Variants in RFC5 observed in about 807,000 individuals in gnomAD.
The protein encoded by RFC5 is replication factor C subunit 5.
RFC5 carries 26 observed loss-of-function variants against 44.3 expected under a neutral mutation model. The ratio of observed to expected loss-of-function variants is 0.59; its 90% CI spans 0.43 to 0.81. The LOEUF is 0.81. Ranked by LOEUF, RFC5 falls within the 40% of genes least tolerant of loss-of-function variation. The pLI, the probability that RFC5 is intolerant of heterozygous loss-of-function variation, is 0.00. For missense variants in RFC5, 328 were observed against 418.6 expected, an observed-to-expected ratio of 0.78 and a Z score of 1.89; for synonymous variants, 155 against 155.2, an observed-to-expected ratio of 1.00 and a Z score of 0.01.
rs1386112582 is a variant in RFC5 at position 118,032,063 on chromosome 12, T to C, written c.*785T>C. On this transcript the variant is annotated 3_prime_UTR_variant, in exon 11 of 11. Coordinates refer to ENST00000454402, the MANE Select transcript of RFC5 (RefSeq NM_007370.7). ...TTATTTTACAGCAATCATGCTGCAT[T>C]TGTGTTAGTGTTCTTTATAATAAAA... is the stretch of plus-strand genomic sequence containing the variant. The C allele has an allele frequency of 6.6e-6, 1 of 152,192 alleles. No homozygotes were observed. Among genetic ancestry groups the C allele is most frequent in the African/African-American group, 2.4e-5 (1 of 41,460 alleles). 9.4% of individuals were successfully genotyped at this position (152,192 alleles called of 1,614,324 possible).
rs1406632243 is a variant in RFC5, at chr12:118,016,777, C to T, written c.-51C>T. 6.6e-7 allele frequency: 1 copy of T among 1,523,710 alleles called. No individual in the cohort carries two copies. The allele number at this position is 1,523,710 out of a possible 1,614,324, so 94.4% of individuals were successfully genotyped here. A position where few individuals can be genotyped will look rare whatever the true frequency, so the allele number is the denominator to read the frequency against. ...GTCGCGGCTGGTCACTGTGCAGGCG[C>T]TTGGGTGACGCGACGATCTCAGCGG... On this transcript the variant is annotated 5_prime_UTR_variant, in exon 1 of 11. Transcript: ENST00000454402.
intron 8 of RFC5, 33 bp downstream of exon 8, chr12:118,027,051 A>T (rs1313944171): frequency 6.3e-7 from 1 of 1,599,890 alleles, no homozygotes; most frequent in Admixed American, 1.7e-5. Context: ...GGCCACCGAG[A>T]CCTGAAGGTG....
At position 118,019,891 on chromosome 12, in the gene RFC5, AT is replaced by A. The variant is rs2030368139; in HGVS notation, c.267+126del. 1 of 770,758 alleles carries A rather than the reference AT, an allele frequency of 1.3e-6. No individual in the cohort carries two copies. Among genetic ancestry groups the A allele is most frequent in the Non-Finnish European group, 2.0e-6 (1 of 489,980 alleles). 47.7% of individuals were successfully genotyped at this position (770,758 alleles called of 1,614,324 possible). ...CCACGGACAGTTAGGAAAGAAGTAA[AT>A]TTGAATATTTTAATTCCCTTTTTCC... On this transcript the variant is annotated intron_variant, in intron 3 of 10. Transcript: ENST00000454402. This position sits in a 1 kb window ranked among gnomAD's most constrained non-coding sequence, Gnocchi z 4.2.
chr12:118,026,609 G>A (rs754818955), intron 7 of RFC5, among the ~76,000 whole-genome samples: 1 of 151,886 alleles, frequency 6.6e-6, no homozygotes, highest in Non-Finnish European at 1.5e-5. Context: ...AAAAAACAAA[G>A]AGAGAGCAAA....
intron 5 of RFC5, 57 bp from the exon 6 acceptor site, chr12:118,024,794 C>A: frequency 6.7e-7 from 1 of 1,485,084 alleles, no homozygotes; most frequent in Non-Finnish European, 9.2e-7. Context: ...GTTTTCTGGG[C>A]TCTCTGAAAA....
At chr12:118,038,183 ATTGGGGTGGAT>A in the RFC5 span, 1 of 1,071,180 alleles carries the variant, frequency 9.3e-7, no homozygotes, top group Non-Finnish European at 1.3e-6. Context: ...CATGCCTTCT[ATTGGGGTGGAT>A]TTGCGGACGA....
chr12:118,034,458 G>A (rs1001397061), downstream of RFC5: 13 of 1,407,230 alleles, frequency 9.2e-6, no homozygotes, highest in Non-Finnish European at 1.3e-5. Context: ...AAGAGCAGGA[G>A]ACTTCGGAGA....
downstream of RFC5, chr12:118,035,377 C>T (rs1181671580): frequency 1.5e-5 from 23 of 1,510,536 alleles, no homozygotes; most frequent in Admixed American, 6.7e-5. Flanking sequence ...TGCTCTCCAC[C>T]CTCCATCATC....
chr12:118,017,005 T>A (rs2030130322), intron 1 of RFC5, 113 bp downstream of exon 1: 9 of 836,210 alleles, frequency 1.1e-5, no homozygotes, highest in Non-Finnish European at 1.8e-5. Context: ...TCCCGTCGTC[T>A]CCAGGCCTGC....
intron 5 of RFC5, among the ~76,000 whole-genome samples, chr12:118,024,026 G>A (rs1371912499): frequency 6.6e-6 from 1 of 151,950 alleles, no homozygotes; most frequent in African/African-American, 2.4e-5. Context: ...AGACCAGCCT[G>A]GCTAACCGAT....
the RFC5 span, among the ~76,000 whole-genome samples, chr12:118,039,827 T>C: frequency 6.6e-6 from 1 of 151,984 alleles, no homozygotes; most frequent in Admixed American, 6.6e-5. Flanking sequence ...CACTGCAACC[T>C]CTGCCTCCTG....
At chr12:118,030,662 A>G (rs1185376438) in intron 10 of RFC5, among the ~76,000 whole-genome samples, 1 of 152,178 alleles carries the variant, frequency 6.6e-6, no homozygotes, top group Non-Finnish European at 1.5e-5. Flanking sequence ...TTTTTGAGAC[A>G]GAGTCCCACT....
At chr12:118,034,670 A>C, downstream of RFC5, 1 of 494,260 alleles carries the variant, frequency 2.0e-6, no homozygotes, top group East Asian at 3.5e-5. Context: ...TGAATTATAG[A>C]TGTTACCTGT....
At position 118,031,372 on chromosome 12, in the gene RFC5, T is replaced by G; in HGVS notation, c.*94T>G. 1 of 784,026 alleles carries G rather than the reference T, an allele frequency of 1.3e-6. No individual in the cohort carries two copies. The highest frequency in any genetic ancestry group is 1.8e-5 in the South Asian group (1 of 56,174). 48.6% of individuals were successfully genotyped at this position (784,026 alleles called of 1,614,324 possible). On this transcript the variant is annotated 3_prime_UTR_variant, in exon 11 of 11. Transcript: ENST00000454402. ...TAAACTGCTGCCTGGGGCTGTGGGA[T>G]GAATCAGTCACCCCGAATCTTGGAA...
Position 118,016,886 on chromosome 12 carries a change from T to C in RFC5, c.59T>C (p.Leu20Pro). 1 of 1,613,250 alleles carries C rather than the reference T, an allele frequency of 6.2e-7. No individual in the cohort carries two copies. The highest frequency in any genetic ancestry group is 1.1e-5 in the South Asian group (1 of 91,022). ...EQPAATKIRN[L>P]PWVEKYRPQT... Reference sequence around the variant, plus strand: ...CCCGCGGCGACCAAGATCAGGAACCTGCCCTGGTAGGAGGAGGCCGAGCGG... The same window carrying C: ...CCCGCGGCGACCAAGATCAGGAACCCGCCCTGGTAGGAGGAGGCCGAGCGG... Residue 20 changes from leucine to proline, a missense_variant, in exon 1 of 11, where the codon CTG (leucine) becomes CCG (proline). Physicochemically the swap from Leu to Pro is moderately conservative, Grantham distance 98 (BLOSUM62 -3). Transcript: ENST00000454402.
At chr12:118,031,113 C>G in intron 10 of RFC5, 69 bp from the exon 11 acceptor site, 1 of 1,084,608 alleles carries the variant, frequency 9.2e-7, no homozygotes, top group South Asian at 1.3e-5. Context: ...CCCTAGATCT[C>G]TTGGTCCCTT....
intron 1 of RFC5, among the ~76,000 whole-genome samples, chr12:118,018,248 A>G (rs1187914798): frequency 6.6e-6 from 1 of 152,242 alleles, no homozygotes; most frequent in Non-Finnish European, 1.5e-5. Flanking sequence ...GTAGGAGTTC[A>G]GTTTCAAATG....
intron 1 of RFC5, among the ~76,000 whole-genome samples, chr12:118,017,276 A>G (rs1174102632): frequency 1.3e-5 from 2 of 152,228 alleles, no homozygotes; most frequent in African/African-American, 2.4e-5. Flanking sequence ...TAAACTAGTA[A>G]TAACGCTCCC....
the RFC5 span, among the ~76,000 whole-genome samples, chr12:118,041,036 G>A: frequency 1.3e-5 from 2 of 152,226 alleles, no homozygotes; most frequent in Non-Finnish European, 2.9e-5. Context: ...GTGACACAGT[G>A]AGACTCCGTC....
Sources: gnomAD v4.1 joint callset for allele counts (sites outside exome capture counted in the v4.1 genomes callset) on GRCh38, gnomAD v4.1.1 for gene constraint, Gnocchi (gnomAD v3.1) non-coding constraint, MANE v1.5 for transcripts, NCBI Gene and HGNC (gene_info 2026-07-23, HGNC 2026-07-21) for gene names.